FLG: variants seen among roughly 807,000 people sequenced by gnomAD.
FLG encodes the protein filaggrin, also known as epidermal filaggrin.
In FLG, 6 loss-of-function variants were observed where a neutral mutation model predicts 3.8. The observed-to-expected ratio is 1.60, with a 90% CI of 0.87 to 3.15. FLG has a LOEUF of 3.15. Ranked by LOEUF, FLG falls within the 30% of genes most tolerant of loss-of-function variation. FLG has a pLI of 0.00. For missense variants in FLG, 7,595 were observed against 5,050.9 expected (o/e 1.50, Z -15.27); for synonymous variants, 2,551 against 1,931.6 (o/e 1.32, Z -8.41).
Position 152,310,428 on chromosome 1 carries a change from C to G in FLG, c.4458G>C (p.Gln1486His), listed in dbSNP as rs755509585. Residue 1486 changes from glutamine to histidine, a missense_variant, in exon 3 of 3, where the codon CAG becomes CAC. Coordinates refer to ENST00000368799, the MANE Select transcript of FLG (RefSeq NM_002016.2). ...ACCCCGGGTGTCCACGAATGGTGTC[C>G]TGACCGTCTTGGGATGCTGAGTGCC... ...SSRHSASQDG[Q>H]DTIRGHPGSS... 3.1e-6 allele frequency: 5 copies of G among 1,613,376 alleles called. No homozygotes were observed. The South Asian group carries it at 5.5e-5, about 18-fold the overall frequency.
chr1:152,302,296 G>C lies in FLG; in HGVS notation c.*404C>G, dbSNP rs1651661464. 4.7e-6 allele frequency: 1 copy of C among 214,594 alleles called. No homozygotes were observed. The highest frequency in any genetic ancestry group is 9.3e-6 in the Non-Finnish European group (1 of 107,196). The allele number at this position is 214,594 out of a possible 1,614,324, so 13.3% of individuals were successfully genotyped here. ...TAATAGAGAAAGATGTGCTAGCCCT[G>C]ATGTTGATATAGCCACTTTGGTATA... On this transcript the variant is annotated 3_prime_UTR_variant, in exon 3 of 3. Transcript: ENST00000368799.
In FLG at chr1:152,311,956, T is replaced by A. The variant is rs752763503; in HGVS notation, c.2930A>T (p.Gln977Leu). The A allele has an allele frequency of 6.8e-6, 11 of 1,614,002 alleles. No individual in the cohort carries two copies. The highest frequency in any genetic ancestry group is 9.3e-6 in the Non-Finnish European group (11 of 1,179,988). The change falls in exon 3 of 3, where the codon CAG becomes CTG. Residue 977 changes from glutamine to leucine, a missense_variant. Gln to Leu is a moderately radical substitution (Grantham distance 113). Coordinates refer to ENST00000368799, the MANE Select transcript of FLG (RefSeq NM_002016.2). ...SRNHRGSAQE[Q>L]SRHGSRHPRS... is the part of the protein sequence containing the mutation. Reference sequence around the variant, plus strand: ...GGGGTGTCTGGAGCCATGTCTTGACTGCTCCTGAGCAGATCCACGATGGTT... The same window carrying A: ...GGGGTGTCTGGAGCCATGTCTTGACAGCTCCTGAGCAGATCCACGATGGTT...
intron 1 of FLG, among the ~76,000 whole-genome samples, chr1:152,320,775 A>T (rs1652937178): frequency 6.6e-6 from 1 of 151,036 alleles, no homozygotes; most frequent in South Asian, 2.1e-4. Context: ...TTGACCATAT[A>T]CTGGGCCATA....
At position 152,308,610 on chromosome 1, in the gene FLG, G is replaced by T. The variant is rs1425411066; in HGVS notation, c.6276C>A (p.Tyr2092Ter). The change falls in exon 3 of 3, where the codon TAC becomes TAA. Residue 2092 changes from tyrosine (Y) to a stop codon, truncating the protein, a stop_gained. Coordinates refer to ENST00000368799, the MANE Select transcript of FLG (RefSeq NM_002016.2). LOFTEE classifies it low-confidence loss of function (END_TRUNC). ...CAGACTGTTCATGAGTGCTCACCTGGTAGAGGAAAGACCCTGAACGTCCAG... is the reference window on the plus strand; with the variant it reads ...CAGACTGTTCATGAGTGCTCACCTGTTAGAGGAAAGACCCTGAACGTCCAG... ...ESSGRSGSFL[Y>*]QVSTHEQSES... The T allele has an allele frequency of 2.2e-5, 35 of 1,613,982 alleles. No homozygotes were observed. The highest frequency in any genetic ancestry group is 2.9e-5 in the Non-Finnish European group (34 of 1,180,004).
Position 152,311,254 on chromosome 1 carries a change from G to T in FLG, c.3632C>A (p.Ser1211Ter), listed in dbSNP as rs1652400382. The T allele has an allele frequency of 6.2e-7, 1 of 1,613,844 alleles. No individual in the cohort carries two copies. Among genetic ancestry groups the T allele is most frequent in the Non-Finnish European group, 8.5e-7 (1 of 1,179,960 alleles). Reference protein sequence around the residue: ...QGRSDASHGQSGSRSASRQTR... With the variant: ...QGRSDASHGQ Reference sequence around the variant, plus strand: ...TTGTCTGCTTGCACTTCTGGATCCTGACTGCCCATGGGAGGCATCAGACCT... The same window carrying T: ...TTGTCTGCTTGCACTTCTGGATCCTTACTGCCCATGGGAGGCATCAGACCT... Residue 1211 changes from serine to a stop codon, truncating the protein, a stop_gained, in exon 3 of 3, where the codon TCA (serine) becomes TAA (stop). Coordinates refer to ENST00000368799, the MANE Select transcript of FLG (RefSeq NM_002016.2). LOFTEE classifies it low-confidence loss of function (END_TRUNC).
rs1346048704 is a variant in FLG, at chr1:152,314,699, T to C, written c.187A>G (p.Ile63Val). ...AAGTCAATTTTCTTGTTGTGGTCTA[T>C]ATCCAAGTGATCCATGAAGACATCA... is the stretch of plus-strand genomic sequence containing the variant. ...MVDVFMDHLD[I>V]DHNKKIDFTE... is the part of the protein sequence containing the mutation. Residue 63 changes from isoleucine to valine, a missense_variant, in exon 3 of 3, where the codon ATA (isoleucine) becomes GTA (valine). Transcript: ENST00000368799. The C allele has an allele frequency of 6.2e-7, 1 of 1,614,020 alleles. No individual in the cohort carries two copies.
Position 152,309,999 on chromosome 1 carries a change from G to A in FLG, c.4887C>T (p.Gly1629=). 6.2e-7 allele frequency: 1 copy of A among 1,613,964 alleles called. No individual in the cohort carries two copies. Among genetic ancestry groups the A allele is most frequent in the Non-Finnish European group, 8.5e-7 (1 of 1,180,006 alleles). The change falls in exon 3 of 3, where the codon GGC becomes GGT. Residue 1629 remains glycine, a synonymous_variant. Transcript: ENST00000368799. ...YGSAREQSRH[G]SRNPRSHQED... ...CTTGATGGGACCTGGGGTTCCTGGA[G>A]CCATGTCTTGACTGCTCCCGAGCAG...
At position 152,304,289 on chromosome 1, in the gene FLG, T is replaced by A; in HGVS notation, c.10597A>T (p.Arg3533Trp). The A allele has an allele frequency of 6.2e-7, 1 of 1,612,984 alleles. No homozygotes were observed. The highest frequency in any genetic ancestry group is 8.5e-7 in the Non-Finnish European group (1 of 1,179,458). The change falls in exon 3 of 3, where the codon AGG (arginine) becomes TGG (tryptophan). Residue 3533 changes from arginine to tryptophan, a missense_variant. Arg to Trp is a moderately radical substitution (Grantham distance 101). Coordinates refer to ENST00000368799, the MANE Select transcript of FLG (RefSeq NM_002016.2). ...TGGCTAACACTGGATCCCTGGTTCC[T>A]GCTTGTCCTGGGCCCCGCTGATTGT... ...QGQSAGPRTS[R>W]NQGSSVSQDS... is the part of the protein sequence containing the mutation.
At position 152,313,809 on chromosome 1, in the gene FLG, A is replaced by T. The variant is rs756156912; in HGVS notation, c.1077T>A (p.Arg359=). The T allele has an allele frequency of 3.7e-6, 6 of 1,613,828 alleles. No individual in the cohort carries two copies. The highest frequency in any genetic ancestry group is 1.7e-6 in the Non-Finnish European group (2 of 1,179,984). ...GTCCACGAGAGGAAGTCTCTGCGTG[A>T]CGAGTGCCTGATTGTCTGGAGCTGT... The part of the protein sequence containing the change: ...SADSSRQSGT[R]HAETSSRGQT... The change falls in exon 3 of 3, where the codon CGT becomes CGA. Residue 359 remains arginine (R), a synonymous_variant. Transcript: ENST00000368799.
Position 152,305,602 on chromosome 1 carries a change from T to C in FLG, c.9284A>G (p.Gln3095Arg), listed in dbSNP as rs140327514. The C allele has an allele frequency of 3.5e-4, 526 of 1,498,848 alleles. 76 individuals carry two copies. The highest frequency in any genetic ancestry group is 4.4e-4 in the Non-Finnish European group (491 of 1,128,470). The allele number at this position is 1,498,848 out of a possible 1,614,324, so 92.8% of individuals were successfully genotyped here. A position where few individuals can be genotyped will look rare whatever the true frequency, so the allele number is the denominator to read the frequency against. Residue 3095 changes from glutamine (Q) to arginine (R), a missense_variant, in exon 3 of 3, where the codon CAA becomes CGA. Gln to Arg is a conservative substitution (Grantham distance 43, BLOSUM62 1). Coordinates refer to ENST00000368799, the MANE Select transcript of FLG (RefSeq NM_002016.2). ...GRQGSRHEQA[Q>R]DSSRHSASQY... ...GGATGCTGAGTGCCTGGAGCTGTCT[T>C]GTGCCTGCTCATGGCGGGATCCTTG...
chr1:152,319,308 ATGTGTGTGTGTGTGTGTG>A (rs138449164), intron 1 of FLG, among the ~76,000 whole-genome samples: 1 of 145,176 alleles, frequency 6.9e-6, no homozygotes, highest in African/African-American at 2.5e-5. Flanking sequence ...CAACTAGAAA[ATGTGTGTGTGTGTGTGTG>A]TGTGTGTGTG....
Position 152,313,187 on chromosome 1 carries a change from C to A in FLG, c.1699G>T (p.Ala567Ser), listed in dbSNP as rs1374129731. Residue 567 changes from alanine to serine, a missense_variant, in exon 3 of 3, where the codon GCA becomes TCA. By Grantham distance (99) the Ala-to-Ser change is moderately conservative. Coordinates refer to ENST00000368799, the MANE Select transcript of FLG (RefSeq NM_002016.2). ...ASHGQSGSRS[A>S]SRQTRNEEQS... ...TCCTCATTTCGTGTTTGTCTGCTTGCACTTCTGGATCCTGACTGCCCATGG... is the reference window on the plus strand; with the variant it reads ...TCCTCATTTCGTGTTTGTCTGCTTGAACTTCTGGATCCTGACTGCCCATGG... 2.5e-6 allele frequency: 4 copies of A among 1,613,870 alleles called. No homozygotes were observed. Among genetic ancestry groups the A allele is most frequent in the Middle Eastern group, 1.6e-4 (1 of 6,062 alleles).
At chr1:152,320,272 T>C (rs1225384792) in intron 1 of FLG, among the ~76,000 whole-genome samples, 5 of 151,082 alleles carry the variant, frequency 3.3e-5, no homozygotes, top group Non-Finnish European at 7.4e-5. Context: ...GTAAACCAAA[T>C]AGTTCCATAA....
chr1:152,323,822 A>T (rs945723258), intron 1 of FLG, among the ~76,000 whole-genome samples: 2 of 151,836 alleles, frequency 1.3e-5, no homozygotes, highest in Non-Finnish European at 2.9e-5. Flanking sequence ...CAAAAGTAGT[A>T]CACAAAAAAG....
chr1:152,304,918 G>A lies in FLG; in HGVS notation c.9968C>T (p.Ala3323Val). The A allele has an allele frequency of 1.9e-6, 3 of 1,613,746 alleles. No individual in the cohort carries two copies. The highest frequency in any genetic ancestry group is 2.5e-6 in the Non-Finnish European group (3 of 1,179,946). The part of the protein sequence containing the change: ...SRHSGIPRGQ[A>V]SSAVRDSRHW... ...TCTACTGTCTCTGACTGCAGATGAA[G>A]CTTGTCCACGCGGAATGCCTGAGTG... is the stretch of plus-strand genomic sequence containing the variant. The change falls in exon 3 of 3, where the codon GCT (alanine) becomes GTT (valine). Residue 3323 changes from alanine to valine, a missense_variant. By Grantham distance (64) the Ala-to-Val change is moderately conservative. Coordinates refer to ENST00000368799, the MANE Select transcript of FLG (RefSeq NM_002016.2).
rs146466242 is a variant in FLG at position 152,302,822 on chromosome 1, T to A, written c.12064A>T (p.Lys4022Ter). The A allele has an allele frequency of 4.5e-4, 729 of 1,614,234 alleles. 2 individuals are homozygous for A. In the East Asian group the frequency reaches 0.016, roughly 35 times the overall value. ...SDICKASAFG[K>*]DHPRYYATYI... ...GTTGCATAATACCTTGGATGATCTT[T>A]ACCAAACGCACTTGCTTTACAGATA... The change falls in exon 3 of 3, where the codon AAA (lysine) becomes TAA (stop). Residue 4022 changes from lysine to a stop codon, truncating the protein, a stop_gained. Coordinates refer to ENST00000368799, the MANE Select transcript of FLG (RefSeq NM_002016.2). LOFTEE classifies it low-confidence loss of function (END_TRUNC).
intron 2 of FLG, 56 bp from the exon 3 acceptor site, chr1:152,314,803 C>A: frequency 6.2e-7 from 1 of 1,604,892 alleles, no homozygotes; most frequent in South Asian, 1.1e-5. Flanking sequence ...ACATTATCAG[C>A]CAATTAATTC....
chr1:152,318,464 C>T (rs970367182), intron 1 of FLG, among the ~76,000 whole-genome samples: 1 of 151,838 alleles, frequency 6.6e-6, no homozygotes, highest in African/African-American at 2.4e-5. Flanking sequence ...TGATATTCCT[C>T]TTACCCATTG....
At position 152,309,526 on chromosome 1, in the gene FLG, C is replaced by A. The variant is rs762983931; in HGVS notation, c.5360G>T (p.Gly1787Val). 5.6e-6 allele frequency: 9 copies of A among 1,613,686 alleles called. No individual in the cohort carries two copies. Among genetic ancestry groups the A allele is most frequent in the Non-Finnish European group, 7.6e-6 (9 of 1,179,892 alleles). Residue 1787 changes from glycine (G) to valine (V), a missense_variant, in exon 3 of 3, where the codon GGA becomes GTA. Transcript: ENST00000368799. ...SAHGRTGPSTGGRQRSRHEQA... is the reference protein window; with the variant it reads ...SAHGRTGPSTVGRQRSRHEQA... ...CTCGTGGCGGGATCTTTGTCTTCCT[C>A]CAGTGCTGGGCCCTGTGCGTCCATG...
Sources: gnomAD v4.1 joint callset for allele counts (sites outside exome capture counted in the v4.1 genomes callset) on GRCh38, gnomAD v4.1.1 for gene constraint, MANE v1.5 for transcripts, NCBI Gene and HGNC (gene_info 2026-07-23, HGNC 2026-07-21) for gene names.